The following SGCG variants were observed in gnomAD, a reference collection of about 807,000 sequenced individuals.
SGCG encodes the protein sarcoglycan gamma.
Under a neutral mutation model 29.3 loss-of-function variants are expected in SGCG, and 26 were observed. The observed-to-expected ratio is 0.89, with a 90% CI of 0.65 to 1.23. The LOEUF is 1.23. Among genes scored for constraint, SGCG ranks in the 50% most tolerant of loss-of-function variants. SGCG has a pLI of 0.00. For missense variants in SGCG, 353 were observed against 356.0 expected (o/e 0.99, Z 0.07); for synonymous variants, 145 against 129.7 (o/e 1.12, Z -0.80).
chr13:23,300,705 T>C (rs140871140), intron 6 of SGCG, among the ~76,000 whole-genome samples: 7 of 146,640 alleles, frequency 4.8e-5, no homozygotes, highest in African/African-American at 1.8e-4. Flanking sequence ...GTGAAACTCA[T>C]AGAACCATTT....
chr13:23,318,132 A>G (rs1308242497), intron 6 of SGCG, among the ~76,000 whole-genome samples: 1 of 152,112 alleles, frequency 6.6e-6, no homozygotes, highest in Admixed American at 6.6e-5. Context: ...CAGACAGCCT[A>G]TTGTGGGACC....
At chr13:23,257,741 A>T (rs771654276) in intron 4 of SGCG, among the ~76,000 whole-genome samples, 1 of 152,142 alleles carries the variant, frequency 6.6e-6, no homozygotes, top group Non-Finnish European at 1.5e-5. Flanking sequence ...TAAGGAAGAG[A>T]TCCAGTTTCA....
intron 1 of SGCG, among the ~76,000 whole-genome samples, chr13:23,196,790 C>T (rs537844815): frequency 6.6e-6 from 1 of 152,068 alleles, no homozygotes; most frequent in Admixed American, 6.5e-5. Flanking sequence ...GGAGCTCTTT[C>T]AGAATGATGT....
At chr13:23,252,022 G>C (rs1427054233) in intron 4 of SGCG, among the ~76,000 whole-genome samples, 1 of 152,026 alleles carries the variant, frequency 6.6e-6, no homozygotes, top group Non-Finnish European at 1.5e-5. Flanking sequence ...ACTTATTCTT[G>C]ATCATAACTT....
At chr13:23,213,232 T>C (rs1271277242) in intron 2 of SGCG, among the ~76,000 whole-genome samples, 1 of 152,208 alleles carries the variant, frequency 6.6e-6, no homozygotes, top group Non-Finnish European at 1.5e-5. Context: ...ACCAGCTCTT[T>C]GGGAGGACAA....
At chr13:23,306,272 C>T (rs2031642) in intron 6 of SGCG, among the ~76,000 whole-genome samples, 14,003 of 152,152 alleles carry the variant, frequency 0.092, 694 homozygotes, top group South Asian at 0.13. Context: ...TTGGGATGTT[C>T]TGGTCTCTAA....
At chr13:23,248,555 G>C (rs1044651406) in intron 3 of SGCG, among the ~76,000 whole-genome samples, 3 of 150,962 alleles carry the variant, frequency 2.0e-5, no homozygotes, top group African/African-American at 7.3e-5. Context: ...ATTAGCCGGC[G>C]TGGCAGCAGG....
chr13:23,211,371 C>G (rs1162675121), intron 2 of SGCG, among the ~76,000 whole-genome samples: 1 of 152,148 alleles, frequency 6.6e-6, no homozygotes, highest in Non-Finnish European at 1.5e-5. Context: ...GGAAAGGTCC[C>G]TCCTGCATCC....
At chr13:23,276,146 G>A (rs921437624) in intron 4 of SGCG, among the ~76,000 whole-genome samples, 1 of 151,628 alleles carries the variant, frequency 6.6e-6, no homozygotes, top group Non-Finnish European at 1.5e-5. Flanking sequence ...TGCAAAAGAC[G>A]ATTACATCCT....
chr13:23,228,613 T>C (rs1243628822), intron 2 of SGCG, among the ~76,000 whole-genome samples: 3 of 151,992 alleles, frequency 2.0e-5, no homozygotes, highest in Non-Finnish European at 4.4e-5. Context: ...AACCTCTCCC[T>C]CCTCCCACCC....
intron 3 of SGCG, chr13:23,246,160 A>T (rs1423004584): frequency 6.5e-6 from 1 of 152,848 alleles, no homozygotes; most frequent in Non-Finnish European, 1.5e-5. Flanking sequence ...TTATTCCACC[A>T]GTTTTCCAGT....
At chr13:23,160,638 G>A in the SGCG span, among the ~76,000 whole-genome samples, 2 of 152,154 alleles carry the variant, frequency 1.3e-5, no homozygotes, top group African/African-American at 2.4e-5. Flanking sequence ...ACTCCAAGAA[G>A]TACAGCAGGT....
intron 2 of SGCG, among the ~76,000 whole-genome samples, chr13:23,220,077 G>A (rs1878599305): frequency 6.6e-6 from 1 of 151,680 alleles, no homozygotes; most frequent in Non-Finnish European, 1.5e-5. Flanking sequence ...TCCTGACCTC[G>A]TGATCTGCCC....
At chr13:23,163,018 A>T in the SGCG span, among the ~76,000 whole-genome samples, 1 of 152,184 alleles carries the variant, frequency 6.6e-6, no homozygotes. Flanking sequence ...TATGGACATG[A>T]TAATAGTGGT....
intron 5 of SGCG, among the ~76,000 whole-genome samples, chr13:23,287,768 TTGTTTTGAGACAGCGTCTTGCTC>T (rs1344093781): frequency 6.2e-4 from 93 of 149,752 alleles, no homozygotes; most frequent in African/African-American, 2.2e-3. Flanking sequence ...TTGTTTTGTT[TTGTTTTGAGACAGCGTCTTGCTC>T]TGTGGCCAGG....
intron 4 of SGCG, chr13:23,267,935 A>G (rs959009004): frequency 2.0e-5 from 3 of 152,302 alleles, no homozygotes; most frequent in Non-Finnish European, 4.4e-5. Context: ...AGGCTGGAAC[A>G]GGCTTTGGAA....
chr13:23,176,386 G>C (rs1349681749), upstream of SGCG, among the ~76,000 whole-genome samples: 1 of 152,052 alleles, frequency 6.6e-6, no homozygotes, highest in Non-Finnish European at 1.5e-5. Flanking sequence ...AGTACATATA[G>C]ATCTAATATT....
At chr13:23,199,097 GACTCCGTCTCAAAAAAAAAAAAAA>G (rs1228631382) in intron 1 of SGCG, among the ~76,000 whole-genome samples, 5 of 123,852 alleles carry the variant, frequency 4.0e-5, no homozygotes, top group Admixed American at 2.6e-4. Context: ...AACACAGTGA[GACTCCGTCTCAAAAAAAAAAAAAA>G]ATTAAATATA....
intron 2 of SGCG, among the ~76,000 whole-genome samples, chr13:23,214,987 C>A (rs61948488): frequency 6.6e-6 from 1 of 152,070 alleles, no homozygotes; most frequent in African/African-American, 2.4e-5. Context: ...CCATTATTAT[C>A]GGTGTCTAAA....
Sources: gnomAD v4.1 joint callset for allele counts (sites outside exome capture counted in the v4.1 genomes callset) on GRCh38, gnomAD v4.1.1 for gene constraint, MANE v1.5 for transcripts, NCBI Gene and HGNC (gene_info 2026-07-23, HGNC 2026-07-21) for gene names.